VAV3: variants seen among roughly 807,000 people sequenced by gnomAD.
VAV3 encodes vav guanine nucleotide exchange factor 3, also known as guanine nucleotide exchange factor VAV3.
VAV3 carries 94 observed loss-of-function variants against 131.2 expected under a neutral mutation model. The ratio of observed to expected loss-of-function variants is 0.72; its 90% CI spans 0.61 to 0.85. The LOEUF (loss-of-function observed/expected upper bound fraction) is 0.85, where lower values mean the gene tolerates loss of function less well. Ranked by LOEUF, VAV3 falls within the 40% of genes least tolerant of loss-of-function variation. The probability of loss-of-function intolerance (pLI) is 0.00; values close to 1 mark genes in which losing one functional copy is unlikely to be tolerated. For missense variants in VAV3, 939 were observed against 1,002.7 expected (o/e 0.94, Z 0.86); for synonymous variants, 349 against 342.0 (o/e 1.02, Z -0.22).
At chr1:107,755,284 CA>C in intron 12 of VAV3, 142 bp downstream of exon 12, 1 of 648,714 alleles carries the variant, frequency 1.5e-6, no homozygotes, top group East Asian at 2.8e-5. Context: ...CAGACACCCA[CA>C]TGAACACTGC....
Position 107,760,820 on chromosome 1 carries a change from A to G in VAV3, c.981T>C (p.Pro327=). Residue 327 remains proline, a synonymous_variant, in exon 10 of 27, where the codon CCT becomes CCC. Transcript: ENST00000370056. ...KFTLRDLLVV[P]MQRVLKYHLL... ...GGTGGTACTTTAAAACACGTTGCATAGGAACCACAAGCAAGTCTCGAAGAG... is the reference window on the plus strand; with the variant it reads ...GGTGGTACTTTAAAACACGTTGCATGGGAACCACAAGCAAGTCTCGAAGAG... 6.2e-7 allele frequency: 1 copy of G among 1,613,910 alleles called. No homozygotes were observed. Among genetic ancestry groups the G allele is most frequent in the South Asian group, 1.1e-5 (1 of 91,072 alleles).
intron 2 of VAV3, among the ~76,000 whole-genome samples, chr1:107,824,109 C>T (rs928307139): frequency 1.3e-5 from 2 of 152,012 alleles, no homozygotes; most frequent in African/African-American, 4.8e-5. Flanking sequence ...TGGCAAACAG[C>T]TGATTAAGAT....
chr1:107,685,816 G>A (rs1658974007), intron 18 of VAV3: 1 of 151,750 alleles, frequency 6.6e-6, no homozygotes, highest in Non-Finnish European at 1.5e-5. Context: ...TCATCTCTAT[G>A]CGTATACTCC....
intron 1 of VAV3, among the ~76,000 whole-genome samples, chr1:107,901,199 A>T (rs2101088638): frequency 6.6e-6 from 1 of 152,336 alleles, no homozygotes; most frequent in African/African-American, 2.4e-5. Flanking sequence ...TATGTGATTA[A>T]AAAGCACTAG....
At chr1:107,695,039 A>G (rs71655930) in intron 17 of VAV3, among the ~76,000 whole-genome samples, 3,620 of 152,272 alleles carry the variant, frequency 0.024, 53 homozygotes, top group Middle Eastern at 0.048. Flanking sequence ...AAGTTTACTA[A>G]ACAGAAAAGG....
At chr1:107,899,325 T>C (rs1231819774) in intron 1 of VAV3, among the ~76,000 whole-genome samples, 2 of 152,190 alleles carry the variant, frequency 1.3e-5, no homozygotes, top group African/African-American at 4.8e-5. Flanking sequence ...TAAGCGGCCA[T>C]CCAATCATCT....
intron 20 of VAV3, among the ~76,000 whole-genome samples, chr1:107,636,876 T>C (rs534863607): frequency 1.3e-3 from 201 of 152,198 alleles, no homozygotes; most frequent in African/African-American, 4.4e-3. Context: ...TAACTAACTA[T>C]ACTAGCAAAA....
intron 2 of VAV3, among the ~76,000 whole-genome samples, chr1:107,812,993 C>T (rs953860243): frequency 1.3e-5 from 2 of 151,592 alleles, no homozygotes; most frequent in Non-Finnish European, 2.9e-5. Context: ...TGTGGTGGCA[C>T]GCACCTGTAG....
At chr1:107,953,558 TA>T (rs1234445612) in intron 1 of VAV3, among the ~76,000 whole-genome samples, 1 of 152,190 alleles carries the variant, frequency 6.6e-6, no homozygotes, top group Non-Finnish European at 1.5e-5. Flanking sequence ...TGCTATTTAG[TA>T]TATTATTGCA....
intron 15 of VAV3, among the ~76,000 whole-genome samples, chr1:107,712,624 T>A: frequency 6.6e-6 from 1 of 152,330 alleles, no homozygotes; most frequent in East Asian, 1.9e-4. Flanking sequence ...GGACTTGGTA[T>A]GTGATTTTTG....
chr1:107,631,667 C>T (rs1654500277), intron 20 of VAV3, among the ~76,000 whole-genome samples: 1 of 136,246 alleles, frequency 7.3e-6, no homozygotes, highest in Non-Finnish European at 1.5e-5. Flanking sequence ...GTGATGTTCC[C>T]CTTCCTGTGT....
intron 15 of VAV3, among the ~76,000 whole-genome samples, chr1:107,711,492 C>G (rs900830485): frequency 2.6e-5 from 4 of 152,166 alleles, no homozygotes; most frequent in South Asian, 2.1e-4. Context: ...CTTAGTACCA[C>G]AGGGAACATT....
chr1:107,644,092 T>G (rs985727296), intron 19 of VAV3, among the ~76,000 whole-genome samples: 5 of 152,134 alleles, frequency 3.3e-5, no homozygotes, highest in African/African-American at 1.2e-4. Flanking sequence ...ACAGCAGATT[T>G]CATTGACTTT....
intron 15 of VAV3, among the ~76,000 whole-genome samples, chr1:107,715,642 C>T (rs1009264491): frequency 3.9e-5 from 6 of 152,134 alleles, no homozygotes; most frequent in Non-Finnish European, 8.8e-5. Flanking sequence ...AACTATCTTG[C>T]TTTACTTCAA....
intron 10 of VAV3, among the ~76,000 whole-genome samples, chr1:107,758,665 G>C (rs1392525871): frequency 6.6e-6 from 1 of 152,034 alleles, no homozygotes; most frequent in Non-Finnish European, 1.5e-5. Flanking sequence ...TGTCATCAGG[G>C]GTAGGTTTCT....
At chr1:107,662,759 G>C (rs1238143276) in intron 19 of VAV3, among the ~76,000 whole-genome samples, 3 of 152,120 alleles carry the variant, frequency 2.0e-5, no homozygotes, top group Non-Finnish European at 4.4e-5. Context: ...TGGGCCTAAT[G>C]GGTAGAAAAA....
At chr1:107,945,193 G>T (rs1233589148) in intron 1 of VAV3, among the ~76,000 whole-genome samples, 1 of 152,006 alleles carries the variant, frequency 6.6e-6, no homozygotes, top group East Asian at 1.9e-4. Context: ...ATGTTTATTT[G>T]CCCTCTCTTC....
intron 1 of VAV3, among the ~76,000 whole-genome samples, chr1:107,930,887 T>C (rs1332606244): frequency 6.6e-6 from 1 of 152,178 alleles, no homozygotes; most frequent in African/African-American, 2.4e-5. Flanking sequence ...TATTAATCTG[T>C]TCATGCCTTC....
At chr1:107,588,130 A>G (rs1650647801) in intron 25 of VAV3, among the ~76,000 whole-genome samples, 1 of 152,216 alleles carries the variant, frequency 6.6e-6, no homozygotes, top group African/African-American at 2.4e-5. Context: ...CAGAATAAAA[A>G]TGCTTTAGAG....
Sources: allele counts gnomAD v4.1 joint callset (sites outside exome capture counted in the v4.1 genomes callset), GRCh38; gene constraint gnomAD v4.1.1; transcripts MANE v1.5; gene names NCBI Gene and HGNC (gene_info 2026-07-23, HGNC 2026-07-21).